The following KIAA0586 variants were observed in gnomAD, a reference collection of about 807,000 sequenced individuals.
The protein encoded by KIAA0586 is KIAA0586.
KIAA0586 carries 144 observed loss-of-function variants against 169.8 expected under a neutral mutation model. The observed-to-expected ratio is 0.85, with a 90% CI of 0.74 to 0.97. The LOEUF (loss-of-function observed/expected upper bound fraction) is 0.97, where lower values mean the gene tolerates loss of function less well. Ranked by LOEUF, KIAA0586 falls within the 50% of genes least tolerant of loss-of-function variation. The probability of loss-of-function intolerance (pLI) is 0.00; values close to 1 mark genes in which losing one functional copy is unlikely to be tolerated. For missense variants in KIAA0586, 1,854 were observed against 1,823.0 expected (o/e 1.02, Z -0.31); for synonymous variants, 625 against 612.4 (o/e 1.02, Z -0.30).
At chr14:58,474,348 G>C (rs1163525112) in intron 18 of KIAA0586, among the ~76,000 whole-genome samples, 1 of 152,110 alleles carries the variant, frequency 6.6e-6, no homozygotes, top group Admixed American at 6.5e-5. Flanking sequence ...GAATAATTAT[G>C]TTTTCTAGTT....
chr14:58,529,009 A>G (rs1187586351), intron 29 of KIAA0586, among the ~76,000 whole-genome samples: 2 of 152,210 alleles, frequency 1.3e-5, no homozygotes, highest in Admixed American at 6.5e-5. Context: ...ATAATAAAAA[A>G]TGATAAAGGG....
downstream of KIAA0586, among the ~76,000 whole-genome samples, chr14:58,552,368 G>A (rs1196814233): frequency 6.6e-6 from 1 of 151,984 alleles, no homozygotes; most frequent in African/African-American, 2.4e-5. Context: ...TTTTCTTCTT[G>A]TCCTGAAGTG....
At chr14:58,455,462 C>G (rs2039744280) in intron 9 of KIAA0586, among the ~76,000 whole-genome samples, 1 of 152,136 alleles carries the variant, frequency 6.6e-6, no homozygotes, top group African/African-American at 2.4e-5. Context: ...AAATTAGATT[C>G]TTTCACCTCC....
At position 58,514,179 on chromosome 14, in the gene KIAA0586, G is replaced by T. The variant is rs1236932137; in HGVS notation, c.4429+1552G>T. ...TGCCTTGGCAAATATAATCAGTTAT[G>T]ACTTTTTTCCCCATAGATTTTGTGG... On this transcript the variant is annotated intron_variant, in intron 29 of 30. Transcript: ENST00000652326. Among the ~76,000 whole-genome samples the T allele has an allele frequency of 2.0e-5, 3 of 152,058 alleles. No individual in the cohort carries two copies. The East Asian group carries it at 5.8e-4, about 29-fold the overall frequency.
chr14:58,461,229 T>C lies in KIAA0586; in HGVS notation c.2059+69T>C, dbSNP rs75882549. The C allele has an allele frequency of 4.3e-4, 497 of 1,149,044 alleles. 1 individual carries two copies. In the African/African-American group the frequency reaches 6.1e-3, roughly 14 times the overall value. 71.2% of individuals were successfully genotyped at this position (1,149,044 alleles called of 1,614,324 possible). A position where few individuals can be genotyped will look rare whatever the true frequency, so the allele number is the denominator to read the frequency against. ...TATCAGTTTAATATGTAAAGTTTCT[T>C]TTTGCTTTTTATTTATTGCTTATAC... On this transcript the variant is annotated intron_variant, in intron 14 of 30. Transcript: ENST00000652326.
At chr14:58,442,268 C>T (rs2038457029) in intron 4 of KIAA0586, among the ~76,000 whole-genome samples, 1 of 152,090 alleles carries the variant, frequency 6.6e-6, no homozygotes, top group Admixed American at 6.5e-5. Context: ...TGCCACCACG[C>T]CCGGCTAATT....
intron 29 of KIAA0586, chr14:58,521,789 C>T (rs2045248436): frequency 1.2e-6 from 1 of 804,306 alleles, no homozygotes; most frequent in Non-Finnish European, 2.2e-6. Flanking sequence ...AGGAGCAGAG[C>T]AGTAGTTCCA....
At chr14:58,494,045 G>A (rs2042993973) in intron 26 of KIAA0586, among the ~76,000 whole-genome samples, 1 of 151,762 alleles carries the variant, frequency 6.6e-6, no homozygotes, top group Non-Finnish European at 1.5e-5. Context: ...TCGTGCAATT[G>A]TATCAGACGT....
chr14:58,517,813 G>C (rs1015872505), intron 29 of KIAA0586, among the ~76,000 whole-genome samples: 2 of 152,134 alleles, frequency 1.3e-5, no homozygotes, highest in Non-Finnish European at 2.9e-5. Flanking sequence ...GTGAACTACT[G>C]ATACACACAC....
chr14:58,533,229 GATCA>G (rs1177442928), intron 29 of KIAA0586, among the ~76,000 whole-genome samples: 7 of 152,190 alleles, frequency 4.6e-5, no homozygotes, highest in African/African-American at 1.7e-4. Context: ...GTGTCAGCAT[GATCA>G]ATCATTTTCT....
chr14:58,559,002 G>A, the KIAA0586 span, among the ~76,000 whole-genome samples: 5 of 152,276 alleles, frequency 3.3e-5, no homozygotes, highest in Admixed American at 1.3e-4. Flanking sequence ...CTTTGGATGC[G>A]GTCCTTATTC....
chr14:58,519,299 G>A (rs1273157355), intron 29 of KIAA0586, among the ~76,000 whole-genome samples: 1 of 152,194 alleles, frequency 6.6e-6, no homozygotes, highest in African/African-American at 2.4e-5. Context: ...CTGGAGAGCA[G>A]GGGTATGATA....
chr14:58,487,885 A>T lies in KIAA0586; in HGVS notation c.3305-2A>T. The T allele has an allele frequency of 1.3e-6, 2 of 1,596,302 alleles. No individual in the cohort carries two copies. The highest frequency in any genetic ancestry group is 1.7e-6 in the Non-Finnish European group (2 of 1,167,970). On this transcript the variant is annotated splice_acceptor_variant, in intron 22 of 30. Transcript: ENST00000652326. LOFTEE classifies it high-confidence loss of function. ...TCTGTCCTTTTAAAAAAAAACCTTT[A>T]GGAGATGATATGCCTGCCATCATGC...
At position 58,442,882 on chromosome 14, in the gene KIAA0586, TATATTTTTCTTCCCAG is replaced by T; in HGVS notation, c.585+6_585+21del. The T allele has an allele frequency of 2.5e-6, 4 of 1,593,870 alleles. No homozygotes were observed. The highest frequency in any genetic ancestry group is 3.4e-6 in the Non-Finnish European group (4 of 1,170,410). On this transcript the variant is annotated splice_donor_5th_base_variant and intron_variant, in intron 5 of 30. Transcript: ENST00000652326. The stretch of plus-strand genomic sequence containing the variant: ...GCAACCGCAGCTCCGTTGATAAAGG[TATATTTTTCTTCCCAG>T]ATAATCATAACTACTTTGTGAAATA...
At chr14:58,442,633 C>T in intron 4 of KIAA0586, 73 bp from the exon 5 acceptor site, 10 of 1,100,792 alleles carry the variant, frequency 9.1e-6, no homozygotes, top group Admixed American at 6.3e-5. Context: ...GGCAGATTAC[C>T]ATTTGTTAAG....
In KIAA0586 at chr14:58,551,251, A is replaced by G. The variant is rs1595572629; in HGVS notation, c.*3319A>G. The G allele has an allele frequency of 6.6e-6, 1 of 152,196 alleles. No individual in the cohort carries two copies. The highest frequency in any genetic ancestry group is 1.5e-5 in the Non-Finnish European group (1 of 68,046). 9.4% of individuals were successfully genotyped at this position (152,196 alleles called of 1,614,324 possible). A position where few individuals can be genotyped will look rare whatever the true frequency, so the allele number is the denominator to read the frequency against. The stretch of plus-strand genomic sequence containing the variant: ...TTTAAATCCTAAATTCGTTCTTTGT[A>G]TACTTTAATAGAATCTTGAATAAAT... On this transcript the variant is annotated 3_prime_UTR_variant, in exon 31 of 31. Transcript: ENST00000652326.
intron 27 of KIAA0586, among the ~76,000 whole-genome samples, chr14:58,504,738 C>T (rs1411321929): frequency 6.6e-6 from 1 of 152,130 alleles, no homozygotes; most frequent in South Asian, 2.1e-4. Flanking sequence ...ACTCAATGAG[C>T]CTGCTTGTTA....
intron 4 of KIAA0586, among the ~76,000 whole-genome samples, chr14:58,439,316 A>G (rs1330066968): frequency 6.6e-6 from 1 of 152,048 alleles, no homozygotes; most frequent in Non-Finnish European, 1.5e-5. Context: ...CCTCCGTAGT[A>G]GCTGTGACTA....
intron 29 of KIAA0586, among the ~76,000 whole-genome samples, chr14:58,514,399 C>T (rs1321246004): frequency 1.3e-5 from 2 of 152,052 alleles, no homozygotes; most frequent in East Asian, 3.8e-4. Context: ...ATTAAAACCA[C>T]ATCTTTTCTA....
Sources: gnomAD v4.1 joint callset for allele counts (sites outside exome capture counted in the v4.1 genomes callset) on GRCh38, gnomAD v4.1.1 for gene constraint, MANE v1.5 for transcripts, NCBI Gene and HGNC (gene_info 2026-07-23, HGNC 2026-07-21) for gene names.